CHRNB3: variants seen among roughly 807,000 people sequenced by gnomAD.
CHRNB3 encodes the protein neuronal acetylcholine receptor subunit beta-3.
A neutral mutation model predicts 40.6 loss-of-function variants in CHRNB3; 37 were observed. The observed-to-expected ratio is 0.91, with a 90% CI of 0.70 to 1.20. CHRNB3 has a LOEUF of 1.20. CHRNB3 is among the 50% of genes most tolerant of loss of function. The probability of loss-of-function intolerance (pLI) is 0.00; values close to 1 mark genes in which losing one functional copy is unlikely to be tolerated. For missense variants in CHRNB3, 505 were observed against 551.2 expected (o/e 0.92, Z 0.84); for synonymous variants, 207 against 207.1 (o/e 1.00, Z 0.00).
intron 2 of CHRNB3, among the ~76,000 whole-genome samples, 168 bp downstream of exon 2, chr8:42,709,036 A>G (rs1815967373): frequency 6.6e-6 from 1 of 152,186 alleles, no homozygotes; most frequent in African/African-American, 2.4e-5. Context: ...GGAAAGAACG[A>G]GAAGTTGTCA....
intron 3 of CHRNB3, among the ~76,000 whole-genome samples, chr8:42,718,672 CAAAAAAAAAAAAA>C (rs59911208): frequency 3.6e-5 from 3 of 82,746 alleles, no homozygotes; most frequent in Admixed American, 1.4e-4. Context: ...GACTCTGTCT[CAAAAAAAAAAAAA>C]AAAAAAAAAA....
In CHRNB3 at chr8:42,712,054, G is replaced by A. The variant is rs776158920; in HGVS notation, c.249+1620G>A. ...GTCACCCAGGCTGGAGTGCAATGGC[G>A]CAATCTCGGCTCACTGCAACCTCCG... On this transcript the variant is annotated intron_variant, in intron 3 of 5. Transcript: ENST00000289957. Among the ~76,000 whole-genome samples, 4 of 151,678 alleles carry A rather than the reference G, an allele frequency of 2.6e-5. No homozygotes were observed. The East Asian group carries it at 7.7e-4, about 29-fold the overall frequency.
intron 3 of CHRNB3, chr8:42,715,082 G>A (rs1816077456): frequency 6.6e-6 from 1 of 152,200 alleles, no homozygotes; most frequent in Middle Eastern, 3.4e-3. Context: ...TATGTGCCAG[G>A]CGCCCTGCTA....
chr8:42,716,405 T>C (rs542390380), intron 3 of CHRNB3, among the ~76,000 whole-genome samples: 1 of 152,222 alleles, frequency 6.6e-6, no homozygotes, highest in South Asian at 2.1e-4. Flanking sequence ...CTCTGCACTG[T>C]GTAAGTGATG....
rs1055828397 is a variant in CHRNB3 at position 42,716,489 on chromosome 8, G to A, written c.249+6055G>A. On this transcript the variant is annotated intron_variant, in intron 3 of 5. Transcript: ENST00000289957. ...AAAGAACTCAAGGACAGCGGCAGCA[G>A]AGATACTGCTCCCTACAGACCATGG... Among the ~76,000 whole-genome samples the A allele has an allele frequency of 2.6e-5, 4 of 152,240 alleles. No homozygotes were observed. In the East Asian group the frequency reaches 7.7e-4, roughly 29 times the overall value.
chr8:42,735,812 T>A (rs564583345), intron 5 of CHRNB3, among the ~76,000 whole-genome samples: 7 of 152,268 alleles, frequency 4.6e-5, no homozygotes, highest in South Asian at 2.1e-4. Context: ...CTTCTGGAGC[T>A]GCAGCACAGG....
At chr8:42,711,381 T>A (rs981136062) in intron 3 of CHRNB3, among the ~76,000 whole-genome samples, 1 of 152,096 alleles carries the variant, frequency 6.6e-6, no homozygotes. Flanking sequence ...TTTTTTAATT[T>A]AGTTTTCTCA....
chr8:42,732,510 C>T lies in CHRNB3; in HGVS notation c.1203C>T (p.Tyr401=), dbSNP rs142692322. 9.3e-6 allele frequency: 15 copies of T among 1,604,340 alleles called. No individual in the cohort carries two copies. The African/African-American group carries it at 1.3e-4, about 14-fold the overall frequency. ...AAAAAGCTGCTGATTCCATTAGATA[C>T]ATTTCGAGACATGTGAAGAAAGAAC... ...FLEKAADSIR[Y]ISRHVKKEHF... The change falls in exon 5 of 6, where the codon TAC becomes TAT. Residue 401 remains tyrosine (Y), a synonymous_variant. Transcript: ENST00000289957.
chr8:42,712,884 C>G (rs1265418271), intron 3 of CHRNB3, among the ~76,000 whole-genome samples: 1 of 104,236 alleles, frequency 9.6e-6, no homozygotes, highest in Non-Finnish European at 1.9e-5. Flanking sequence ...TTTTTTGAGT[C>G]TGTGTCTCAC....
chr8:42,723,735 G>A (rs1330636126), intron 3 of CHRNB3, among the ~76,000 whole-genome samples: 4 of 152,128 alleles, frequency 2.6e-5, no homozygotes, highest in Non-Finnish European at 5.9e-5. Context: ...GCCTTGGACA[G>A]GTATTTGAAC....
chr8:42,712,963 G>A (rs1816043307), intron 3 of CHRNB3, among the ~76,000 whole-genome samples: 1 of 147,202 alleles, frequency 6.8e-6, no homozygotes, highest in African/African-American at 2.5e-5. Flanking sequence ...CTGGGTTCAA[G>A]AGATTCTTCT....
intron 2 of CHRNB3, among the ~76,000 whole-genome samples, chr8:42,709,829 G>A (rs546559275): frequency 2.6e-5 from 4 of 152,060 alleles, no homozygotes; most frequent in African/African-American, 4.8e-5. Context: ...ACGGGGTTTC[G>A]CCATGTTGGA....
At chr8:42,708,474 TACAC>T (rs4955) in intron 1 of CHRNB3, among the ~76,000 whole-genome samples, 16 of 148,814 alleles carry the variant, frequency 1.1e-4, no homozygotes, top group Admixed American at 2.0e-4. Flanking sequence ...TCAAAAAAAA[TACAC>T]ACACACACAC....
rs1464045953 is a variant in CHRNB3, at chr8:42,732,183, C to A, written c.876C>A (p.Val292=). The A allele has an allele frequency of 1.9e-6, 3 of 1,609,108 alleles. No homozygotes were observed. Among genetic ancestry groups the A allele is most frequent in the African/African-American group, 2.7e-5 (2 of 74,538 alleles). Residue 292 remains valine, a synonymous_variant, in exon 5 of 6, where the codon GTC becomes GTA. Transcript: ENST00000289957. ...IEEIIPSSSK[V]IPLIGEYLLF... Reference sequence around the variant, plus strand: ...AAATCATCCCATCGTCTTCCAAAGTCATTCCTCTCATTGGAGAGTACCTGC... The same window carrying A: ...AAATCATCCCATCGTCTTCCAAAGTAATTCCTCTCATTGGAGAGTACCTGC...
Position 42,732,052 on chromosome 8 carries a change from T to G in CHRNB3, c.745T>G (p.Phe249Val). The change falls in exon 5 of 6, where the codon TTC becomes GTC. Residue 249 changes from phenylalanine to valine, a missense_variant. Transcript: ENST00000289957. ...FLIIPCLGLS[F>V]LTVLVFYLPS... Reference sequence around the variant, plus strand: ...CATCATCCCCTGCCTGGGGCTGTCTTTCCTAACAGTTCTTGTGTTCTATTT... The same window carrying G: ...CATCATCCCCTGCCTGGGGCTGTCTGTCCTAACAGTTCTTGTGTTCTATTT... 1 of 1,614,122 alleles carries G rather than the reference T, an allele frequency of 6.2e-7. No individual in the cohort carries two copies. Among genetic ancestry groups the G allele is most frequent in the South Asian group, 1.1e-5 (1 of 91,080 alleles).
In CHRNB3 at chr8:42,710,415, C is replaced by A; in HGVS notation, c.230C>A (p.Thr77Asn). 9 of 1,610,628 alleles carry A rather than the reference C, an allele frequency of 5.6e-6. No homozygotes were observed. Among genetic ancestry groups the A allele is most frequent in the Non-Finnish European group, 7.6e-6 (9 of 1,178,176 alleles). ...DVDEKNQLMT[T>N]NVWLKQEWTD... is the part of the protein sequence containing the mutation. ...GATGAAAAGAATCAGCTGATGACAA[C>A]CAATGTGTGGCTCAAACAGGTAAAT... The change falls in exon 3 of 6, where the codon ACC becomes AAC. Residue 77 changes from threonine (T) to asparagine (N), a missense_variant. By Grantham distance (65) the Thr-to-Asn change is moderately conservative (BLOSUM62 0). Transcript: ENST00000289957.
At chr8:42,730,730 TGGG>T in intron 4 of CHRNB3, 27 bp downstream of exon 4, 1 of 1,445,008 alleles carries the variant, frequency 6.9e-7, no homozygotes, top group Non-Finnish European at 9.5e-7. Flanking sequence ...TTCTTACTTA[TGGG>T]GAAAAAAATA....
chr8:42,702,173 G>A (rs114643155), intron 1 of CHRNB3, among the ~76,000 whole-genome samples: 1 of 152,208 alleles, frequency 6.6e-6, no homozygotes, highest in African/African-American at 2.4e-5. Context: ...CCAAGTGCAC[G>A]CCATCCCTGT....
rs748685091 is a variant in CHRNB3 at position 42,731,716 on chromosome 8, T to G, written c.409T>G (p.Ser137Ala). Residue 137 changes from serine (S) to alanine (A), a missense_variant, in exon 5 of 6, where the codon TCA becomes GCA. Ser to Ala is a moderately conservative substitution (Grantham distance 99). Transcript: ENST00000289957. ...CCTGATGACCAAGGTCATCGTGAAA[T>G]CAAACGGAACTGTTGTCTGGACCCC... Reference protein sequence around the residue: ...GSLMTKVIVKSNGTVVWTPPA... With the variant: ...GSLMTKVIVKANGTVVWTPPA... The G allele has an allele frequency of 1.2e-6, 2 of 1,613,776 alleles. No homozygotes were observed. The highest frequency in any genetic ancestry group is 4.5e-5 in the East Asian group (2 of 44,876).
Sources: allele counts gnomAD v4.1 joint callset (sites outside exome capture counted in the v4.1 genomes callset), GRCh38; gene constraint gnomAD v4.1.1; transcripts MANE v1.5; gene names NCBI Gene and HGNC (gene_info 2026-07-23, HGNC 2026-07-21).